The following ITCH variants were observed in gnomAD, a reference collection of about 807,000 sequenced individuals.
ITCH encodes itchy E3 ubiquitin protein ligase.
ITCH carries 28 observed loss-of-function variants against 126.8 expected under a neutral mutation model. The observed-to-expected ratio is 0.22, with a 90% CI of 0.16 to 0.30. The LOEUF is 0.30. Among genes scored for constraint, ITCH ranks in the 10% least tolerant of loss-of-function variants. ITCH has a pLI of 1.00. For missense variants in ITCH, 631 were observed against 1,032.4 expected, an observed-to-expected ratio of 0.61 and a Z score of 5.33; for synonymous variants, 342 against 340.0, an observed-to-expected ratio of 1.01 and a Z score of -0.06.
At chr20:34,479,542 T>A in intron 17 of ITCH, 88 bp from the exon 18 acceptor site, 1 of 1,038,832 alleles carries the variant, frequency 9.6e-7, no homozygotes, top group Non-Finnish European at 1.5e-6. Context: ...AGCTGAGGGG[T>A]ATAGATCCCT....
chr20:34,430,923 C>T (rs1166071639), intron 7 of ITCH, among the ~76,000 whole-genome samples: 4 of 152,040 alleles, frequency 2.6e-5, no homozygotes, highest in East Asian at 1.9e-4. Flanking sequence ...TGAGAGGTAA[C>T]GAAGGCTAGA....
At chr20:34,389,440 G>A (rs577416443) in intron 2 of ITCH, among the ~76,000 whole-genome samples, 13 of 152,270 alleles carry the variant, frequency 8.5e-5, no homozygotes, top group African/African-American at 3.1e-4. Context: ...CTCTGTGTGA[G>A]TAACAATGCA....
chr20:34,407,754 T>C (rs1978344565), intron 3 of ITCH, among the ~76,000 whole-genome samples: 1 of 152,198 alleles, frequency 6.6e-6, no homozygotes, highest in Admixed American at 6.5e-5. Flanking sequence ...GGATGGTTGC[T>C]TAAAAGTCTT....
chr20:34,442,335 ATT>A, intron 10 of ITCH, 32 bp downstream of exon 10: 1 of 1,445,882 alleles, frequency 6.9e-7, no homozygotes, highest in Non-Finnish European at 9.7e-7. Context: ...GAATAATTTT[ATT>A]TAGTCAGAAT....
chr20:34,466,243 T>C (rs1987051395), intron 14 of ITCH: 1 of 392,022 alleles, frequency 2.6e-6, no homozygotes, highest in South Asian at 2.0e-5. Flanking sequence ...GGTTGAACCT[T>C]TTTTGCATTC....
At chr20:34,471,386 T>C (rs1219820343) in intron 15 of ITCH, 58 bp from the exon 16 acceptor site, 3 of 993,556 alleles carry the variant, frequency 3.0e-6, no homozygotes, top group East Asian at 2.4e-5. Context: ...CCCCTTTTGA[T>C]TTTTTTGATA....
intron 13 of ITCH, among the ~76,000 whole-genome samples, chr20:34,461,709 TAAAAAAAAAAAAAA>T (rs11469882): frequency 1.3e-5 from 1 of 78,400 alleles, no homozygotes; most frequent in African/African-American, 5.2e-5. Flanking sequence ...ACTCCATCTA[TAAAAAAAAAAAAAA>T]AAAAAAAAAA....
At chr20:34,478,776 T>C (rs1011214824) in intron 17 of ITCH, among the ~76,000 whole-genome samples, 3 of 152,194 alleles carry the variant, frequency 2.0e-5, no homozygotes, top group African/African-American at 7.2e-5. Flanking sequence ...TCAAAATATA[T>C]GATATAATCA....
chr20:34,491,607 A>G (rs1057237562), intron 22 of ITCH, among the ~76,000 whole-genome samples: 1 of 152,234 alleles, frequency 6.6e-6, no homozygotes, highest in Non-Finnish European at 1.5e-5. Flanking sequence ...ATGTAAAAAA[A>G]TTCATATGAG....
chr20:34,457,758 C>T (rs536175349), intron 13 of ITCH, among the ~76,000 whole-genome samples: 1 of 152,144 alleles, frequency 6.6e-6, no homozygotes, highest in Non-Finnish European at 1.5e-5. Context: ...GGAAGACCTG[C>T]GTAATGCAGT....
chr20:34,414,529 C>G (rs1474035113), intron 6 of ITCH, among the ~76,000 whole-genome samples: 1 of 143,490 alleles, frequency 7.0e-6, no homozygotes, highest in Non-Finnish European at 1.5e-5. Context: ...TGCAATGGCA[C>G]GATTTCGGCT....
At chr20:34,477,628 G>A in intron 16 of ITCH, 144 bp from the exon 17 acceptor site, 1 of 664,692 alleles carries the variant, frequency 1.5e-6, no homozygotes. Context: ...TTTTCTGTAT[G>A]TGTGGTTTTG....
At chr20:34,504,301 C>G in intron 23 of ITCH, 30 bp from the exon 24 acceptor site, 1 of 1,554,460 alleles carries the variant, frequency 6.4e-7, no homozygotes, top group Non-Finnish European at 8.9e-7. Flanking sequence ...ACTATACTAA[C>G]AAACTGTTTA....
At chr20:34,483,436 C>T (rs779376397) in intron 20 of ITCH, among the ~76,000 whole-genome samples, 25 of 152,178 alleles carry the variant, frequency 1.6e-4, no homozygotes, top group Non-Finnish European at 3.1e-4. Flanking sequence ...ACCAGATACC[C>T]TAAATCATCT....
chr20:34,476,200 A>G, intron 16 of ITCH: 3 of 801,062 alleles, frequency 3.7e-6, no homozygotes, highest in Admixed American at 1.7e-5. Context: ...TTCAACCACA[A>G]CGTCTAGCAG....
chr20:34,419,688 T>C (rs1000396740), intron 6 of ITCH, among the ~76,000 whole-genome samples: 6 of 152,336 alleles, frequency 3.9e-5, no homozygotes, highest in Admixed American at 1.3e-4. Context: ...GGAGTCTCAC[T>C]CTGTCGCCCA....
chr20:34,463,247 C>T (rs148117670), intron 14 of ITCH, among the ~76,000 whole-genome samples: 127 of 152,240 alleles, frequency 8.3e-4, no homozygotes, highest in African/African-American at 2.9e-3. Flanking sequence ...CCTGTAATCC[C>T]GGCTACTCGG....
rs1988188153 is a variant in ITCH, at chr20:34,476,058, A to G, written c.1570-1714A>G. On this transcript the variant is annotated intron_variant, in intron 16 of 24. Coordinates refer to ENST00000374864, the MANE Select transcript of ITCH (RefSeq NM_031483.7). ...TGTGATCTGTTAGTCCATATGCCAG[A>G]TCGAGCATGTGATTCTCCTCATCAG... The G allele has an allele frequency of 1.6e-5, 20 of 1,241,650 alleles. No homozygotes were observed. In the South Asian group the frequency reaches 2.2e-4, roughly 13 times the overall value. The allele number at this position is 1,241,650 out of a possible 1,614,324, so 76.9% of individuals were successfully genotyped here. A position where few individuals can be genotyped will look rare whatever the true frequency, so the allele number is the denominator to read the frequency against.
chr20:34,390,736 C>T (rs2038459816), intron 2 of ITCH, among the ~76,000 whole-genome samples: 1 of 150,562 alleles, frequency 6.6e-6, no homozygotes, highest in South Asian at 2.1e-4. Flanking sequence ...AGGCTTGAGC[C>T]ACTGTGCCCA....
Sources: allele counts gnomAD v4.1 joint callset (sites outside exome capture counted in the v4.1 genomes callset), GRCh38; gene constraint gnomAD v4.1.1; transcripts MANE v1.5; gene names NCBI Gene and HGNC (gene_info 2026-07-23, HGNC 2026-07-21).